The following LILRB1 variants were observed in gnomAD, a reference collection of about 807,000 sequenced individuals.
LILRB1 encodes leukocyte immunoglobulin-like receptor subfamily B member 1.
LILRB1 carries 59 observed loss-of-function variants against 74.6 expected under a neutral mutation model. The observed-to-expected ratio is 0.79, with a 90% confidence interval of 0.64 to 0.98. The LOEUF is 0.98. Among genes scored for constraint, LILRB1 ranks in the 50% least tolerant of loss-of-function variants. The probability of loss-of-function intolerance (pLI) is 0.00; values close to 1 mark genes in which losing one functional copy is unlikely to be tolerated. For missense variants in LILRB1, 804 were observed against 822.6 expected, an observed-to-expected ratio of 0.98 and a Z score of 0.28; for synonymous variants, 328 against 333.9, an observed-to-expected ratio of 0.98 and a Z score of 0.19.
rs1265822970 is a variant in LILRB1 at position 54,635,199 on chromosome 19, C to G, written c.1562+20C>G. ...GTGGAGGTAATTCTGCCCGAAGACC[C>G]CAGACTCCCACCTGCTCGTGGCCCA... is the stretch of plus-strand genomic sequence containing the variant. On this transcript the variant is annotated intron_variant, in intron 11 of 14. Coordinates refer to ENST00000324602, the MANE Select transcript of LILRB1 (RefSeq NM_001081637.3). The G allele has an allele frequency of 1.9e-6, 3 of 1,604,292 alleles. No individual in the cohort carries two copies. The highest frequency in any genetic ancestry group is 1.7e-5 in the Admixed American group (1 of 59,618).
At chr19:54,634,358 C>T in intron 9 of LILRB1, 1 of 1,539,894 alleles carries the variant, frequency 6.5e-7, no homozygotes, top group Non-Finnish European at 8.8e-7. Flanking sequence ...GGCTCTTTCC[C>T]TGCAGCTCCG....
At chr19:54,617,362 T>C (rs2063333131) in intron 1 of LILRB1, 1 of 152,202 alleles carries the variant, frequency 6.6e-6, no homozygotes, top group Non-Finnish European at 1.5e-5. Flanking sequence ...AAGAGAGCCC[T>C]AATGGCGGCT....
upstream of LILRB1, among the ~76,000 whole-genome samples, chr19:54,627,600 C>T (rs907565188): frequency 6.6e-6 from 1 of 152,240 alleles, no homozygotes; most frequent in Non-Finnish European, 1.5e-5. Flanking sequence ...CGAGAAAAAA[C>T]TTGCCCAGCA....
rs2064073761 is a variant in LILRB1, at chr19:54,633,253, G to T, written c.1196G>T (p.Gly399Val). 6.2e-7 allele frequency: 1 copy of T among 1,613,954 alleles called. No individual in the cohort carries two copies. The highest frequency in any genetic ancestry group is 1.3e-5 in the African/African-American group (1 of 74,888). ...CATGCGGGGACCTACAGGTGCTACG[G>T]CTCACAGAGCTCCAAACCCTACCTG... Reference protein sequence around the residue: ...SAHAGTYRCYGSQSSKPYLLT... With the variant: ...SAHAGTYRCYVSQSSKPYLLT... Residue 399 changes from glycine (G) to valine (V), a missense_variant, in exon 7 of 15, where the codon GGC (glycine) becomes GTC (valine). Gly to Val is a moderately radical substitution (Grantham distance 109). Transcript: ENST00000324602.
chr19:54,620,685 CAGCATCCCAGATGA>C (rs1216740373), intron 1 of LILRB1, among the ~76,000 whole-genome samples: 1 of 152,096 alleles, frequency 6.6e-6, no homozygotes, highest in East Asian at 1.9e-4. Flanking sequence ...ACACCAAGTG[CAGCATCCCAGATGA>C]AGCAGTGAAT....
At position 54,632,157 on chromosome 19, in the gene LILRB1, G is replaced by A. The variant is rs559801888; in HGVS notation, c.581G>A (p.Trp194Ter). Residue 194 changes from tryptophan to a stop codon, truncating the protein, a stop_gained, in exon 5 of 15, where the codon TGG becomes TAG. Transcript: ENST00000324602. LOFTEE classifies it high-confidence loss of function. The part of the protein sequence containing the change: ...VGPVSPSRRW[W>*]YRCYAYDSNS... ...CCCGTGAGCCCGAGTCGCAGGTGGT[G>A]GTACAGGTGCTATGCTTATGACTCG... is the stretch of plus-strand genomic sequence containing the variant. 1.8e-6 allele frequency: 1 copy of A among 555,534 alleles called. No individual in the cohort carries two copies. Among genetic ancestry groups the A allele is most frequent in the Non-Finnish European group, 2.7e-6 (1 of 366,204 alleles). The allele number at this position is 555,534 out of a possible 1,614,324, so 34.4% of individuals were successfully genotyped here.
Position 54,633,120 on chromosome 19 carries a change from T to C in LILRB1, c.1063T>C (p.Phe355Leu). 1 of 1,614,258 alleles carries C rather than the reference T, an allele frequency of 6.2e-7. No individual in the cohort carries two copies. ...TCAGTCACAGGGATGGATGCAAACT[T>C]TCCTTCTGACCAAGGAGGGGGCAGC... ...LCQSQGWMQTFLLTKEGAADD... is the reference protein window; with the variant it reads ...LCQSQGWMQTLLLTKEGAADD... Residue 355 changes from phenylalanine (F) to leucine (L), a missense_variant, in exon 7 of 15, where the codon TTC becomes CTC. Phe to Leu is a conservative substitution (Grantham distance 22). Transcript: ENST00000324602.
chr19:54,632,425 GA>G, intron 5 of LILRB1, 38 bp from the exon 6 acceptor site: 1 of 1,567,272 alleles, frequency 6.4e-7, no homozygotes, highest in Non-Finnish European at 8.7e-7. Flanking sequence ...GGGGAAGCCT[GA>G]GGGTCGGCTC....
chr19:54,635,288 A>G lies in LILRB1; in HGVS notation c.1592A>G (p.Glu531Gly). 1 of 1,613,294 alleles carries G rather than the reference A, an allele frequency of 6.2e-7. No homozygotes were observed. The highest frequency in any genetic ancestry group is 1.3e-5 in the African/African-American group (1 of 75,042). The change falls in exon 12 of 15, where the codon GAA (glutamate) becomes GGA (glycine). Residue 531 changes from glutamate to glycine, a missense_variant. By Grantham distance (98) the Glu-to-Gly change is moderately conservative (BLOSUM62 -2). Transcript: ENST00000324602. ...RSSPAADAQE[E>G]NLYAAVKHTQ... Reference sequence around the variant, plus strand: ...AGCCCAGCTGCCGATGCCCAGGAAGAAAACCTCTGTGAGTGAGAGGAAGAG... The same window carrying G: ...AGCCCAGCTGCCGATGCCCAGGAAGGAAACCTCTGTGAGTGAGAGGAAGAG...
chr19:54,623,958 A>G (rs555477993), intron 1 of LILRB1, among the ~76,000 whole-genome samples: 52 of 152,298 alleles, frequency 3.4e-4, no homozygotes, highest in African/African-American at 1.2e-3. Flanking sequence ...TGGGCTGTGC[A>G]GCTCAAATTG....
Position 54,634,704 on chromosome 19 carries a change from T to A in LILRB1, c.1427T>A (p.Leu476His). The A allele has an allele frequency of 6.2e-7, 1 of 1,613,744 alleles. No homozygotes were observed. Among genetic ancestry groups the A allele is most frequent in the East Asian group, 2.2e-5 (1 of 44,868 alleles). Residue 476 changes from leucine (L) to histidine (H), a missense_variant, in exon 10 of 15, where the codon CTC (leucine) becomes CAC (histidine). Transcript: ENST00000324602. ...GTGGCCGTCATCCTACTGCTCCTCC[T>A]CCTCCTCCTCCTCTTCCTCATCCTC... The part of the protein sequence containing the change: ...ILVAVILLLL[L>H]LLLLFLILRH...
At position 54,634,032 on chromosome 19, in the gene LILRB1, G is replaced by A; in HGVS notation, c.1363+11G>A. 2 of 1,585,958 alleles carry A rather than the reference G, an allele frequency of 1.3e-6. No homozygotes were observed. Among genetic ancestry groups the A allele is most frequent in the Non-Finnish European group, 1.7e-6 (2 of 1,165,372 alleles). Reference sequence around the variant, plus strand: ...CGGATCCCCAGAGTGGTGAGTGACGGGCTCTGAGTGGGAGGTGGGCAGGGT... The same window carrying A: ...CGGATCCCCAGAGTGGTGAGTGACGAGCTCTGAGTGGGAGGTGGGCAGGGT... On this transcript the variant is annotated intron_variant, in intron 9 of 14. Coordinates refer to ENST00000324602, the MANE Select transcript of LILRB1 (RefSeq NM_001081637.3).
intron 3 of LILRB1, 24 bp downstream of exon 3, chr19:54,631,330 A>G (rs554027759): frequency 1.2e-6 from 2 of 1,613,440 alleles, no homozygotes; most frequent in South Asian, 2.2e-5. Flanking sequence ...CAGCTCTTCC[A>G]GGTCCCTCCT....
chr19:54,620,810 T>A (rs2146159138), intron 1 of LILRB1, among the ~76,000 whole-genome samples: 1 of 152,370 alleles, frequency 6.6e-6, no homozygotes, highest in South Asian at 2.1e-4. Flanking sequence ...TTTGGTTTCA[T>A]GTCTGTGCTG....
At chr19:54,634,270 G>T in intron 9 of LILRB1, 8 of 1,530,162 alleles carry the variant, frequency 5.2e-6, no homozygotes, top group Non-Finnish European at 6.2e-6. Flanking sequence ...TTCCGCGGGG[G>T]CCTGTCCCGT....
At chr19:54,625,720 C>T (rs1230746451), upstream of LILRB1, among the ~76,000 whole-genome samples, 4 of 148,022 alleles carry the variant, frequency 2.7e-5, no homozygotes, top group African/African-American at 1.0e-4. Flanking sequence ...ACTCACTCAC[C>T]CCTTCCCCGG....
intron 1 of LILRB1, among the ~76,000 whole-genome samples, chr19:54,620,688 C>T (rs956990424): frequency 6.6e-6 from 1 of 152,102 alleles, no homozygotes; most frequent in Non-Finnish European, 1.5e-5. Flanking sequence ...CCAAGTGCAG[C>T]ATCCCAGATG....
upstream of LILRB1, among the ~76,000 whole-genome samples, chr19:54,625,462 C>T (rs1335370803): frequency 3.3e-5 from 5 of 152,270 alleles, no homozygotes; most frequent in African/African-American, 1.2e-4. Flanking sequence ...GCCTCTGCAC[C>T]ATCTCTGGGA....
At chr19:54,627,075 T>C (rs1402546779), upstream of LILRB1, among the ~76,000 whole-genome samples, 1 of 152,074 alleles carries the variant, frequency 6.6e-6, no homozygotes, top group Non-Finnish European at 1.5e-5. Flanking sequence ...CTCTCTAGGG[T>C]CCCACGGTTT....
Sources: gnomAD v4.1 joint callset for allele counts (sites outside exome capture counted in the v4.1 genomes callset) on GRCh38, gnomAD v4.1.1 for gene constraint, MANE v1.5 for transcripts, NCBI Gene and HGNC (gene_info 2026-07-23, HGNC 2026-07-21) for gene names.